Variants in OTOGL observed in about 807,000 individuals in gnomAD.
OTOGL encodes otogelin-like protein.
Under a neutral mutation model 318.5 loss-of-function variants are expected in OTOGL, and 285 were observed. The ratio of observed to expected loss-of-function variants is 0.89; its 90% confidence interval spans 0.81 to 0.99. The LOEUF is 0.99. OTOGL is among the 50% of genes least tolerant of loss of function. OTOGL has a pLI of 0.00. For missense variants in OTOGL, 2,899 were observed against 2,845.6 expected, an observed-to-expected ratio of 1.02 and a Z score of -0.43; for synonymous variants, 987 against 936.5, an observed-to-expected ratio of 1.05 and a Z score of -0.99.
At chr12:80,136,027 C>T (rs764442842) in intron 1 of OTOGL, among the ~76,000 whole-genome samples, 7 of 152,222 alleles carry the variant, frequency 4.6e-5, no homozygotes, top group Non-Finnish European at 7.3e-5. Flanking sequence ...GAACCGATTC[C>T]TTATAATAAA....
At chr12:80,168,897 C>T (rs1397946256) in intron 1 of OTOGL, among the ~76,000 whole-genome samples, 1 of 152,164 alleles carries the variant, frequency 6.6e-6, no homozygotes. Flanking sequence ...GTTCTGTAAT[C>T]ATCTTTCCCT....
At chr12:80,333,137 TTC>T in intron 38 of OTOGL, 59 bp downstream of exon 38, 1 of 1,452,720 alleles carries the variant, frequency 6.9e-7, no homozygotes, top group East Asian at 2.4e-5. Flanking sequence ...CCATTCAAAT[TTC>T]TGTGTCAATA....
intron 1 of OTOGL, among the ~76,000 whole-genome samples, chr12:80,156,910 G>C (rs1266390083): frequency 6.7e-6 from 1 of 148,394 alleles, no homozygotes; most frequent in Non-Finnish European, 1.5e-5. Context: ...TGGGAGTGCA[G>C]GTATCTCTTC....
chr12:80,376,262 T>A (rs1891171873), intron 57 of OTOGL, among the ~76,000 whole-genome samples: 2 of 152,118 alleles, frequency 1.3e-5, no homozygotes, highest in South Asian at 2.1e-4. Context: ...ATTTTACATG[T>A]TGAGATTGTT....
intron 26 of OTOGL, among the ~76,000 whole-genome samples, chr12:80,282,089 C>T (rs1200190869): frequency 1.3e-5 from 2 of 151,750 alleles, no homozygotes; most frequent in African/African-American, 4.8e-5. Flanking sequence ...ATTTGAATTA[C>T]CTGTATACTC....
At chr12:80,109,940 A>C (rs7358792) in intron 1 of OTOGL, among the ~76,000 whole-genome samples, 2 of 152,016 alleles carry the variant, frequency 1.3e-5, no homozygotes, top group African/African-American at 2.4e-5. Flanking sequence ...TAAATTTTTT[A>C]AATTATACCT....
intron 26 of OTOGL, among the ~76,000 whole-genome samples, chr12:80,287,764 A>T (rs1025742346): frequency 6.6e-6 from 1 of 151,596 alleles, no homozygotes; most frequent in African/African-American, 2.4e-5. Flanking sequence ...ATATTCTTCC[A>T]TTCCTTTATT....
chr12:80,138,963 T>C (rs935295409), intron 1 of OTOGL, among the ~76,000 whole-genome samples: 1 of 152,184 alleles, frequency 6.6e-6, no homozygotes, highest in African/African-American at 2.4e-5. Context: ...CTCTTCCAAC[T>C]ACCTTTTACT....
chr12:80,265,741 T>G (rs1184740981), intron 20 of OTOGL: 1 of 157,002 alleles, frequency 6.4e-6, no homozygotes, highest in Non-Finnish European at 1.4e-5. Context: ...TTAGAATCTT[T>G]TGTGACTTAG....
chr12:80,247,253 G>C (rs1255705395), intron 11 of OTOGL, among the ~76,000 whole-genome samples: 1 of 149,120 alleles, frequency 6.7e-6, no homozygotes, highest in Non-Finnish European at 1.5e-5. Context: ...TAATTGTGAT[G>C]TTAGGCTGTC....
At chr12:80,270,347 G>T (rs1291950726) in intron 23 of OTOGL, among the ~76,000 whole-genome samples, 193 bp downstream of exon 23, 1 of 152,066 alleles carries the variant, frequency 6.6e-6, no homozygotes, top group African/African-American at 2.4e-5. Context: ...GGACAGTCTG[G>T]GTTGAACATA....
At chr12:80,135,745 G>A (rs904509717) in intron 1 of OTOGL, among the ~76,000 whole-genome samples, 1 of 152,198 alleles carries the variant, frequency 6.6e-6, no homozygotes, top group East Asian at 1.9e-4. Context: ...GTTTTTGTGA[G>A]GGTATTCTTG....
intron 48 of OTOGL, 51 bp downstream of exon 48, chr12:80,356,571 A>G (rs1385627960): frequency 2.2e-6 from 3 of 1,351,908 alleles, no homozygotes; most frequent in Non-Finnish European, 3.1e-6. Flanking sequence ...TTCATTCAGA[A>G]CAGTGAATTA....
chr12:80,265,616 G>T, intron 20 of OTOGL: 1 of 192,828 alleles, frequency 5.2e-6, no homozygotes. Context: ...AGTTATTGGG[G>T]CTCTAATTTT....
At chr12:80,338,735 A>G (rs1005511536) in intron 42 of OTOGL, among the ~76,000 whole-genome samples, 5 of 152,062 alleles carry the variant, frequency 3.3e-5, no homozygotes, top group Admixed American at 2.0e-4. Flanking sequence ...CCAGAAAATA[A>G]CATTATTATC....
At chr12:80,337,212 G>A (rs916158040) in intron 42 of OTOGL, among the ~76,000 whole-genome samples, 5 of 151,906 alleles carry the variant, frequency 3.3e-5, no homozygotes, top group African/African-American at 1.2e-4. Context: ...TTTCCCCTGT[G>A]AGGTTAACTG....
At chr12:80,363,932 T>A (rs960372753) in intron 52 of OTOGL, among the ~76,000 whole-genome samples, 3 of 152,110 alleles carry the variant, frequency 2.0e-5, no homozygotes, top group Non-Finnish European at 4.4e-5. Context: ...TTATTTATTT[T>A]TTCCCAAGTG....
intron 18 of OTOGL, among the ~76,000 whole-genome samples, chr12:80,261,298 CACTT>C (rs1261638529): frequency 6.6e-6 from 1 of 151,992 alleles, no homozygotes; most frequent in East Asian, 1.9e-4. Flanking sequence ...TAGGGGTTGT[CACTT>C]AATAAATGTT....
chr12:80,171,028 A>G (rs1405185197), intron 1 of OTOGL, among the ~76,000 whole-genome samples: 1 of 152,028 alleles, frequency 6.6e-6, no homozygotes, highest in African/African-American at 2.4e-5. Flanking sequence ...TCTATAATCC[A>G]TTTTGAGTTT....
Sources: gnomAD v4.1 joint callset for allele counts (sites outside exome capture counted in the v4.1 genomes callset) on GRCh38, gnomAD v4.1.1 for gene constraint, MANE v1.5 for transcripts, NCBI Gene and HGNC (gene_info 2026-07-23, HGNC 2026-07-21) for gene names.